Variants in ULK4 observed in about 807,000 individuals in gnomAD.
ULK4 encodes inactive serine/threonine-protein kinase ULK4.
Under a neutral mutation model 160.6 loss-of-function variants are expected in ULK4, and 133 were observed. The observed-to-expected ratio is 0.83, with a 90% CI of 0.72 to 0.96. ULK4 has a LOEUF of 0.96. ULK4 is among the 40% of genes least tolerant of loss of function. The pLI is 0.00. For missense variants in ULK4, 1,580 were observed against 1,499.5 expected (o/e 1.05, Z -0.89); for synonymous variants, 534 against 539.8 (o/e 0.99, Z 0.15).
At chr3:41,697,287 A>G (rs2036534488) in intron 27 of ULK4, among the ~76,000 whole-genome samples, 1 of 152,182 alleles carries the variant, frequency 6.6e-6, no homozygotes. Flanking sequence ...TAAGATTATG[A>G]TGGAGCTGAA....
At chr3:41,452,530 G>A (rs1278601006) in intron 34 of ULK4, among the ~76,000 whole-genome samples, 1 of 152,152 alleles carries the variant, frequency 6.6e-6, no homozygotes, top group East Asian at 1.9e-4. Flanking sequence ...GCCACTCTGT[G>A]TTGGTGTTCC....
At chr3:41,287,209 G>A (rs2079477528) in intron 35 of ULK4, among the ~76,000 whole-genome samples, 1 of 152,176 alleles carries the variant, frequency 6.6e-6, no homozygotes, top group African/African-American at 2.4e-5. Context: ...TGAGCTAAGA[G>A]CAGAGATGAA....
chr3:41,864,277 C>T (rs901752733), intron 17 of ULK4, among the ~76,000 whole-genome samples: 1 of 151,812 alleles, frequency 6.6e-6, no homozygotes, highest in Non-Finnish European at 1.5e-5. Flanking sequence ...TCCCCCAGTG[C>T]CCAGAGATGT....
intron 18 of ULK4, among the ~76,000 whole-genome samples, chr3:41,831,531 A>ATATATATATATATATATTTTTTTTT: frequency 2.9e-5 from 4 of 138,062 alleles, no homozygotes; most frequent in African/African-American, 8.5e-5. Flanking sequence ...ATATATATAT[A>ATATATATATATATATATTTTTTTTT]TTTTTTTTTC....
chr3:41,557,949 C>A (rs184106682), intron 32 of ULK4, among the ~76,000 whole-genome samples: 247 of 152,078 alleles, frequency 1.6e-3, no homozygotes, highest in Middle Eastern at 0.01. Flanking sequence ...ATAAAAATTT[C>A]TTGAACAAAT....
chr3:41,890,742 AGGAGGGACGGGAGGGACG>A (rs770700142), intron 16 of ULK4, among the ~76,000 whole-genome samples: 814 of 7,936 alleles, frequency 0.1, 90 homozygotes, highest in African/African-American at 0.24. Context: ...AGGAAGGGAC[AGGAGGGACGGGAGGGACG>A]GGAGGGACGG....
chr3:41,475,599 A>T (rs1183241345), intron 32 of ULK4, among the ~76,000 whole-genome samples: 1 of 152,212 alleles, frequency 6.6e-6, no homozygotes, highest in Non-Finnish European at 1.5e-5. Flanking sequence ...CCATAAATAT[A>T]CAACTATAAT....
intron 32 of ULK4, among the ~76,000 whole-genome samples, chr3:41,522,426 C>T (rs952147812): frequency 2.0e-5 from 3 of 152,022 alleles, no homozygotes; most frequent in African/African-American, 7.2e-5. Context: ...AGGCGTGAGC[C>T]ACCACATGCC....
intron 29 of ULK4, among the ~76,000 whole-genome samples, chr3:41,668,618 A>G (rs544422400): frequency 6.6e-6 from 1 of 152,346 alleles, no homozygotes; most frequent in East Asian, 1.9e-4. Context: ...CTAATGATGC[A>G]TTTCTCAGAA....
intron 35 of ULK4, among the ~76,000 whole-genome samples, chr3:41,367,179 C>G (rs905886017): frequency 6.6e-6 from 1 of 152,198 alleles, no homozygotes; most frequent in Non-Finnish European, 1.5e-5. Flanking sequence ...CCCAGCAATT[C>G]TTGCCTGTTC....
intron 21 of ULK4, among the ~76,000 whole-genome samples, chr3:41,765,173 G>T (rs1452873338): frequency 1.3e-5 from 2 of 152,182 alleles, no homozygotes; most frequent in African/African-American, 4.8e-5. Flanking sequence ...GTCCATCAAT[G>T]ATAGACTGGA....
intron 35 of ULK4, among the ~76,000 whole-genome samples, chr3:41,392,939 C>T (rs1474279441): frequency 1.3e-5 from 2 of 152,162 alleles, no homozygotes; most frequent in Admixed American, 6.6e-5. Flanking sequence ...AACTTCTGCT[C>T]GTGTTCCTTA....
chr3:41,829,980 G>T (rs2041520164), intron 18 of ULK4, among the ~76,000 whole-genome samples: 1 of 151,830 alleles, frequency 6.6e-6, no homozygotes, highest in South Asian at 2.1e-4. Context: ...AAAATGATGA[G>T]TTCATGTCCT....
intron 18 of ULK4, among the ~76,000 whole-genome samples, chr3:41,833,162 G>C (rs1355097480): frequency 6.6e-6 from 1 of 152,052 alleles, no homozygotes; most frequent in East Asian, 1.9e-4. Context: ...TCCTATCCAT[G>C]AGGATGCAAT....
chr3:41,881,995 G>GCAGCAA (rs914676967), intron 17 of ULK4, among the ~76,000 whole-genome samples: 1 of 145,116 alleles, frequency 6.9e-6, no homozygotes, highest in African/African-American at 2.5e-5. Flanking sequence ...GAGTACAGCA[G>GCAGCAA]CAGCAACAGC....
intron 35 of ULK4, among the ~76,000 whole-genome samples, chr3:41,369,112 C>CT (rs2081310816): frequency 6.6e-6 from 1 of 152,126 alleles, no homozygotes; most frequent in African/African-American, 2.4e-5. Context: ...TGAAAATTTT[C>CT]TTTTCAAAAT....
intron 31 of ULK4, among the ~76,000 whole-genome samples, chr3:41,582,421 G>A (rs567772837): frequency 1.3e-4 from 20 of 152,188 alleles, no homozygotes; most frequent in African/African-American, 4.6e-4. Flanking sequence ...GAATTCGGGG[G>A]ATTAAAAACA....
intron 21 of ULK4, among the ~76,000 whole-genome samples, chr3:41,766,148 A>C (rs1378051629): frequency 6.8e-6 from 1 of 148,114 alleles, no homozygotes; most frequent in Admixed American, 6.7e-5. Flanking sequence ...AGGAACCTGT[A>C]ATCCCAGCTA....
chr3:41,687,070 ACT>A (rs978410245), intron 27 of ULK4, among the ~76,000 whole-genome samples: 2 of 151,294 alleles, frequency 1.3e-5, no homozygotes, highest in Non-Finnish European at 2.9e-5. Flanking sequence ...GCGACAAAAG[ACT>A]CTGTCTAAAA....
Sources: allele counts gnomAD v4.1 joint callset (sites outside exome capture counted in the v4.1 genomes callset), GRCh38; gene constraint gnomAD v4.1.1; transcripts MANE v1.5; gene names NCBI Gene and HGNC (gene_info 2026-07-23, HGNC 2026-07-21).